UROC1: variants seen among roughly 807,000 people sequenced by gnomAD.
UROC1 encodes the protein urocanate hydratase 1.
A neutral mutation model predicts 89.5 loss-of-function variants in UROC1; 79 were observed. The observed-to-expected ratio is 0.88, with a 90% CI of 0.74 to 1.06. UROC1 has a LOEUF of 1.06. Among genes scored for constraint, UROC1 ranks in the 50% least tolerant of loss-of-function variants. The pLI, the probability that UROC1 is intolerant of heterozygous loss-of-function variation, is 0.00. For synonymous variants in UROC1, 361 were observed against 354.8 expected (o/e 1.02, Z -0.20); for missense variants, 885 against 907.8 (o/e 0.97, Z 0.32).
At chr3:126,486,986 T>C (rs1935534205) in intron 18 of UROC1, among the ~76,000 whole-genome samples, 1 of 152,194 alleles carries the variant, frequency 6.6e-6, no homozygotes, top group African/African-American at 2.4e-5. Context: ...TAGGTCCCAG[T>C]GTCTGGTCAG....
chr3:126,488,241 C>A lies in UROC1; in HGVS notation c.1747G>T (p.Gly583Ter), dbSNP rs369953230. Residue 583 changes from glycine to a stop codon, truncating the protein, a stop_gained, in exon 18 of 20, where the codon GGA becomes TGA. Transcript: ENST00000290868. LOFTEE classifies it high-confidence loss of function. ...TTGTGAAGGGCGACCCAGGTGGCTC[C>A]GCGACAGGCATCTCCCACGAAGTTC... ...VQNFVGDACR[G>*]ATWVALHNGG... The A allele has an allele frequency of 1.9e-6, 3 of 1,614,234 alleles. No individual in the cohort carries two copies. Among genetic ancestry groups the A allele is most frequent in the Non-Finnish European group, 8.5e-7 (1 of 1,180,040 alleles).
chr3:126,503,364 G>T (rs3108333), intron 9 of UROC1, among the ~76,000 whole-genome samples: 1 of 152,182 alleles, frequency 6.6e-6, no homozygotes. Context: ...CTCTGCTCTG[G>T]GCAGTAAATT....
At chr3:126,487,626 G>T (rs1935546521) in intron 18 of UROC1, among the ~76,000 whole-genome samples, 1 of 152,224 alleles carries the variant, frequency 6.6e-6, no homozygotes, top group East Asian at 1.9e-4. Flanking sequence ...ACCCCTTGCT[G>T]CTCCCCGCAG....
intron 1 of UROC1, 79 bp from the exon 2 acceptor site, chr3:126,510,873 C>T (rs1936180757): frequency 1.3e-6 from 2 of 1,559,382 alleles, no homozygotes; most frequent in South Asian, 1.2e-5. Context: ...GGGCCATCCT[C>T]CTCCCAAATG....
At chr3:126,492,555 G>A in intron 15 of UROC1, 39 bp from the exon 16 acceptor site, 1 of 1,549,682 alleles carries the variant, frequency 6.5e-7, no homozygotes, top group Non-Finnish European at 8.8e-7. Context: ...AGCCAACATA[G>A]GCAGCAATAA....
chr3:126,505,973 C>G lies in UROC1; in HGVS notation c.641G>C (p.Gly214Ala), dbSNP rs1374705812. The G allele has an allele frequency of 1.2e-6, 2 of 1,613,368 alleles. No individual in the cohort carries two copies. The highest frequency in any genetic ancestry group is 1.7e-6 in the Non-Finnish European group (2 of 1,180,000). Reference protein sequence around the residue: ...QMTAGSYCYIGPQGIVHGTVL... With the variant: ...QMTAGSYCYIAPQGIVHGTVL... Reference sequence around the variant, plus strand: ...AGTGCCATGAACGATTCCCTGGGGACCGATGTAGCAGTAGCTACCTGCTGT... The same window carrying G: ...AGTGCCATGAACGATTCCCTGGGGAGCGATGTAGCAGTAGCTACCTGCTGT... The change falls in exon 7 of 20, where the codon GGT (glycine) becomes GCT (alanine). Residue 214 changes from glycine to alanine, a missense_variant. Coordinates refer to ENST00000290868, the MANE Select transcript of UROC1 (RefSeq NM_144639.3).
intron 15 of UROC1, 105 bp downstream of exon 15, chr3:126,495,933 G>A (rs1935765103): frequency 8.8e-7 from 1 of 1,142,568 alleles, no homozygotes; most frequent in Non-Finnish European, 1.3e-6. Context: ...GGCTTGGCAA[G>A]CTGGAGGCTG....
At position 126,482,204 on chromosome 3, in the gene UROC1, T is replaced by A; in HGVS notation, c.*141A>T. ...GTAAAATGAGGCTGTGGTGGCACCC[T>A]GCACAGGGCACCATAAGGGCCACGT... is the stretch of plus-strand genomic sequence containing the variant. On this transcript the variant is annotated 3_prime_UTR_variant, in exon 20 of 20. Transcript: ENST00000290868. 1.6e-6 allele frequency: 2 copies of A among 1,277,548 alleles called. No individual in the cohort carries two copies. Among genetic ancestry groups the A allele is most frequent in the African/African-American group, 2.9e-5 (2 of 68,364 alleles). The allele number at this position is 1,277,548 out of a possible 1,614,324, so 79.1% of individuals were successfully genotyped here. A position where few individuals can be genotyped will look rare whatever the true frequency, so the allele number is the denominator to read the frequency against.
chr3:126,511,041 G>A (rs1044805271), intron 1 of UROC1, among the ~76,000 whole-genome samples: 11 of 152,106 alleles, frequency 7.2e-5, no homozygotes, highest in African/African-American at 2.7e-4. Flanking sequence ...TCTTGCTTAC[G>A]GTGAACCATC....
chr3:126,500,809 G>A lies in UROC1; in HGVS notation c.1031C>T (p.Thr344Ile), dbSNP rs372747256. 3.1e-6 allele frequency: 5 copies of A among 1,613,926 alleles called. No individual in the cohort carries two copies. The African/African-American group carries it at 6.7e-5, about 22-fold the overall frequency. Reference sequence around the variant, plus strand: ...GCCATTGAACGGGTTGTGGCAGGATGTCTGATCTGACCCCAGGTCCACCAA... The same window carrying A: ...GCCATTGAACGGGTTGTGGCAGGATATCTGATCTGACCCCAGGTCCACCAA... ...ECLVDLGSDQ[T>I]SCHNPFNGGY... Residue 344 changes from threonine to isoleucine, a missense_variant, in exon 11 of 20, where the codon ACA becomes ATA. By Grantham distance (89) the Thr-to-Ile change is moderately conservative (BLOSUM62 -1). Coordinates refer to ENST00000290868, the MANE Select transcript of UROC1 (RefSeq NM_144639.3).
Position 126,500,168 on chromosome 3 carries a change from T to A in UROC1, c.1146-14A>T. The A allele has an allele frequency of 6.2e-7, 1 of 1,613,056 alleles. No individual in the cohort carries two copies. Among genetic ancestry groups the A allele is most frequent in the Non-Finnish European group, 8.5e-7 (1 of 1,179,890 alleles). On this transcript the variant is annotated splice_polypyrimidine_tract_variant and intron_variant, in intron 11 of 19. Coordinates refer to ENST00000290868, the MANE Select transcript of UROC1 (RefSeq NM_144639.3). Reference sequence around the variant, plus strand: ...TGCCTCCTCAGGCTGCAACAAGCCATGGGTCAGCACCACCGCTGTGAGGCC... The same window carrying A: ...TGCCTCCTCAGGCTGCAACAAGCCAAGGGTCAGCACCACCGCTGTGAGGCC...
chr3:126,502,961 T>C (rs1201345584), intron 9 of UROC1, among the ~76,000 whole-genome samples: 2 of 151,582 alleles, frequency 1.3e-5, no homozygotes, highest in Non-Finnish European at 2.9e-5. Flanking sequence ...TATATGTGTG[T>C]TTATGTATGT....
intron 13 of UROC1, 147 bp downstream of exon 13, chr3:126,499,190 C>T: frequency 6.9e-6 from 6 of 874,852 alleles, no homozygotes; most frequent in Non-Finnish European, 1.1e-5. Context: ...AGCCTGGCCA[C>T]TTTGGGGCAG....
intron 3 of UROC1, among the ~76,000 whole-genome samples, chr3:126,508,757 C>T (rs978794017): frequency 2.0e-5 from 3 of 152,096 alleles, no homozygotes; most frequent in Admixed American, 2.0e-4. Flanking sequence ...GGTCTGGGGC[C>T]AGGGCCAGGG....
chr3:126,492,669 T>C (rs1327827749), intron 15 of UROC1, among the ~76,000 whole-genome samples, 153 bp from the exon 16 acceptor site: 1 of 152,144 alleles, frequency 6.6e-6, no homozygotes, highest in African/African-American at 2.4e-5. Flanking sequence ...CCAGGGTGCA[T>C]GGTAGCTCTC....
Position 126,508,396 on chromosome 3 carries a change from G to A in UROC1, c.411+20C>T, listed in dbSNP as rs370452910. The A allele has an allele frequency of 1.2e-5, 19 of 1,612,822 alleles. No homozygotes were observed. Among genetic ancestry groups the A allele is most frequent in the Non-Finnish European group, 1.5e-5 (18 of 1,179,082 alleles). ...GAGGAAAGGCCAGGGGTGGGGACGA[G>A]GCCACACGGTGTGCAGTACCTGAGC... is the stretch of plus-strand genomic sequence containing the variant. On this transcript the variant is annotated intron_variant, in intron 4 of 19. Coordinates refer to ENST00000290868, the MANE Select transcript of UROC1 (RefSeq NM_144639.3).
At position 126,481,963 on chromosome 3, in the gene UROC1, GCAGA is replaced by G. The variant is rs1229028646; in HGVS notation, c.*378_*381del. Reference sequence around the variant, plus strand: ...TGCTTGCACAGACAGCAGATGGGCAGCAGACAGACAGAGTTGCATGGAGGCTGGC... The same window carrying G: ...TGCTTGCACAGACAGCAGATGGGCAGCAGACAGAGTTGCATGGAGGCTGGC... On this transcript the variant is annotated 3_prime_UTR_variant, in exon 20 of 20. Coordinates refer to ENST00000290868, the MANE Select transcript of UROC1 (RefSeq NM_144639.3). 1.3e-5 allele frequency: 4 copies of G among 304,562 alleles called. No individual in the cohort carries two copies. Among genetic ancestry groups the G allele is most frequent in the Admixed American group, 4.6e-5 (1 of 21,968 alleles). 18.9% of individuals were successfully genotyped at this position (304,562 alleles called of 1,614,324 possible).
intron 10 of UROC1, 97 bp from the exon 11 acceptor site, chr3:126,500,971 A>G: frequency 1.3e-6 from 2 of 1,525,738 alleles, no homozygotes; most frequent in South Asian, 1.1e-5. Flanking sequence ...TTTCCCACCC[A>G]CAAATCCAGC....
chr3:126,506,643 C>T (rs1252009204), intron 6 of UROC1, among the ~76,000 whole-genome samples: 1 of 152,152 alleles, frequency 6.6e-6, no homozygotes, highest in Non-Finnish European at 1.5e-5. Context: ...GAGGCCGGCT[C>T]GAATGGTCTA....
Sources: allele counts gnomAD v4.1 joint callset (sites outside exome capture counted in the v4.1 genomes callset), GRCh38; gene constraint gnomAD v4.1.1; transcripts MANE v1.5; gene names NCBI Gene and HGNC (gene_info 2026-07-23, HGNC 2026-07-21).